The following DIP2C variants were observed in gnomAD, a reference collection of about 807,000 sequenced individuals.
DIP2C encodes disco-interacting protein 2 homolog C.
In DIP2C, 33 loss-of-function variants were observed where a neutral mutation model predicts 192.4. The ratio of observed to expected loss-of-function variants is 0.17; its 90% CI spans 0.13 to 0.23. The LOEUF (loss-of-function observed/expected upper bound fraction) is 0.23. Among genes scored for constraint, DIP2C ranks in the 10% least tolerant of loss-of-function variants. DIP2C has a pLI of 1.00. For synonymous variants in DIP2C, 979 were observed against 864.1 expected (o/e 1.13, Z -2.33); for missense variants, 1,537 against 2,110.1 (o/e 0.73, Z 5.32).
rs147162204 is a variant in DIP2C at position 369,525 on chromosome 10, G to T, written c.2100C>A (p.Thr700=). Reference sequence around the variant, plus strand: ...GCATCACGAGGCCGACATCCTGCACGGTGAGCACGGACAGCTTCTCTTCCG... The same window carrying T: ...GCATCACGAGGCCGACATCCTGCACTGTGAGCACGGACAGCTTCTCTTCCG... The part of the protein sequence containing the change: ...VDSEEKLSVL[T]VQDVGLVMPG... Residue 700 remains threonine, a synonymous_variant, in exon 18 of 37, where the codon ACC becomes ACA. Coordinates refer to ENST00000280886, the MANE Select transcript of DIP2C (RefSeq NM_014974.3). 1.3e-6 allele frequency: 2 copies of T among 1,571,356 alleles called. No homozygotes were observed. Among genetic ancestry groups the T allele is most frequent in the South Asian group, 1.2e-5 (1 of 82,886 alleles).
intron 1 of DIP2C, among the ~76,000 whole-genome samples, chr10:649,018 G>A (rs1855685676): frequency 6.7e-6 from 1 of 150,194 alleles, no homozygotes; most frequent in Non-Finnish European, 1.5e-5. Context: ...ACATTTGAGG[G>A]TGGGTGAGAA....
chr10:418,286 G>C (rs530463762), intron 6 of DIP2C, among the ~76,000 whole-genome samples: 2 of 129,202 alleles, frequency 1.5e-5, no homozygotes, highest in African/African-American at 2.9e-5. Flanking sequence ...AGGCATCCCC[G>C]TCCACCTGTC....
intron 32 of DIP2C, among the ~76,000 whole-genome samples, chr10:306,564 G>T (rs973596447): frequency 6.6e-6 from 1 of 152,224 alleles, no homozygotes; most frequent in Non-Finnish European, 1.5e-5. Context: ...TCCTGTGACA[G>T]AGCCTAATGC....
chr10:418,231 G>C (rs1212907344), intron 6 of DIP2C, among the ~76,000 whole-genome samples: 1 of 123,120 alleles, frequency 8.1e-6, no homozygotes, highest in African/African-American at 3.4e-5. Context: ...TCCTGTCAGG[G>C]CTTCGATAGG....
intron 14 of DIP2C, among the ~76,000 whole-genome samples, chr10:385,016 CAG>C (rs937716357): frequency 6.0e-5 from 9 of 148,890 alleles, no homozygotes; most frequent in African/African-American, 7.5e-5. Flanking sequence ...CAGCAGGTCT[CAG>C]AGAGTGCCAC....
At chr10:410,743 A>G (rs1211610338) in intron 8 of DIP2C, among the ~76,000 whole-genome samples, 4 of 152,244 alleles carry the variant, frequency 2.6e-5, no homozygotes, top group Non-Finnish European at 4.4e-5. Flanking sequence ...GAGTCTTGAC[A>G]TCCTAAGTTC....
chr10:615,862 C>T (rs963912753), intron 1 of DIP2C, among the ~76,000 whole-genome samples: 6 of 152,168 alleles, frequency 3.9e-5, no homozygotes, highest in African/African-American at 7.2e-5. Context: ...GGAAACGACA[C>T]GCAGCCCAGA....
Position 486,542 on chromosome 10 carries a change from G to A in DIP2C, c.86-12C>T, listed in dbSNP as rs1395135753. The A allele has an allele frequency of 6.2e-7, 1 of 1,600,810 alleles. No individual in the cohort carries two copies. The highest frequency in any genetic ancestry group is 1.7e-5 in the Admixed American group (1 of 57,778). On this transcript the variant is annotated splice_polypyrimidine_tract_variant and intron_variant, in intron 1 of 36. Coordinates refer to ENST00000280886, the MANE Select transcript of DIP2C (RefSeq NM_014974.3). ...TTGTGTGATGTCACCTGCAAGAGAA[G>A]GAAAATGAAGTTCAGTATGGTCTCC...
intron 2 of DIP2C, among the ~76,000 whole-genome samples, chr10:480,644 C>G (rs188093613): frequency 2.6e-5 from 4 of 152,186 alleles, no homozygotes; most frequent in African/African-American, 9.7e-5. Flanking sequence ...GGAGACACAC[C>G]GCATGGCGTA....
At chr10:543,277 C>T (rs925063567) in intron 1 of DIP2C, among the ~76,000 whole-genome samples, 6 of 152,224 alleles carry the variant, frequency 3.9e-5, no homozygotes, top group Admixed American at 2.0e-4. Context: ...TGCGCATTTC[C>T]GGGCAAGTGT....
chr10:672,341 G>T (rs1830693334), intron 1 of DIP2C, among the ~76,000 whole-genome samples: 1 of 152,248 alleles, frequency 6.6e-6, no homozygotes, highest in African/African-American at 2.4e-5. Context: ...GAAGGAAACA[G>T]GCCAGAGACG....
chr10:610,388 AG>A (rs2131772415), intron 1 of DIP2C, among the ~76,000 whole-genome samples: 1 of 152,308 alleles, frequency 6.6e-6, no homozygotes, highest in African/African-American at 2.4e-5. Context: ...ATAAACCAGC[AG>A]GGGAATGTCA....
At chr10:378,418 T>C (rs193011437) in intron 17 of DIP2C, among the ~76,000 whole-genome samples, 5 of 152,250 alleles carry the variant, frequency 3.3e-5, no homozygotes, top group African/African-American at 4.8e-5. Flanking sequence ...CATGAAGGCA[T>C]GCATGCATGA....
At chr10:600,748 T>C (rs143608786) in intron 1 of DIP2C, among the ~76,000 whole-genome samples, 1 of 152,314 alleles carries the variant, frequency 6.6e-6, no homozygotes, top group Non-Finnish European at 1.5e-5. Flanking sequence ...TTCTCCAAAC[T>C]ATTCAGTGAG....
intron 1 of DIP2C, among the ~76,000 whole-genome samples, chr10:489,272 T>C (rs1844249273): frequency 6.6e-6 from 1 of 152,234 alleles, no homozygotes; most frequent in African/African-American, 2.4e-5. Flanking sequence ...GCTGCAGGTT[T>C]ACATGAGCAA....
At chr10:537,032 C>A (rs1847732592) in intron 1 of DIP2C, among the ~76,000 whole-genome samples, 3 of 152,218 alleles carry the variant, frequency 2.0e-5, no homozygotes, top group Admixed American at 2.0e-4. Context: ...CTGCATCTCA[C>A]CCCAGGCTCT....
chr10:352,627 C>G (rs190334246), intron 24 of DIP2C, among the ~76,000 whole-genome samples: 1 of 152,212 alleles, frequency 6.6e-6, no homozygotes, highest in Non-Finnish European at 1.5e-5. Flanking sequence ...CCATGGGTCA[C>G]ACCAGGTGGG....
At chr10:345,512 CAA>C (rs148342878) in intron 26 of DIP2C, among the ~76,000 whole-genome samples, 5 of 64,708 alleles carry the variant, frequency 7.7e-5, no homozygotes, top group African/African-American at 2.2e-4. Flanking sequence ...GGAAACCCCA[CAA>C]ACACCCATCC....
At chr10:552,738 A>C (rs1300642180) in intron 1 of DIP2C, among the ~76,000 whole-genome samples, 1 of 152,196 alleles carries the variant, frequency 6.6e-6, no homozygotes, top group African/African-American at 2.4e-5. Flanking sequence ...AATTCCAGCT[A>C]CTCGGGAGGC....
Sources: allele counts gnomAD v4.1 joint callset (sites outside exome capture counted in the v4.1 genomes callset), GRCh38; gene constraint gnomAD v4.1.1; transcripts MANE v1.5; gene names NCBI Gene and HGNC (gene_info 2026-07-23, HGNC 2026-07-21).